The following STK24 variants were observed in gnomAD, a reference collection of about 807,000 sequenced individuals.
The protein encoded by STK24 is serine/threonine kinase 24.
STK24 carries 21 observed loss-of-function variants against 55.6 expected under a neutral mutation model. The observed-to-expected ratio is 0.38, with a 90% CI of 0.27 to 0.54. The LOEUF is 0.54. Ranked by LOEUF, STK24 falls within the 20% of genes least tolerant of loss-of-function variation. The probability of loss-of-function intolerance (pLI) is 0.79; values close to 1 mark genes in which losing one functional copy is unlikely to be tolerated. For missense variants in STK24, 383 were observed against 538.4 expected (o/e 0.71, Z 2.86); for synonymous variants, 200 against 215.2 (o/e 0.93, Z 0.62).
chr13:98,552,403 G>A (rs189653452), intron 1 of STK24, among the ~76,000 whole-genome samples: 4 of 152,204 alleles, frequency 2.6e-5, no homozygotes, highest in East Asian at 3.9e-4. Context: ...AAGTGGCTAC[G>A]GGACAGCAGA....
rs897662720 is a variant in STK24, at chr13:98,449,721, A to AAAT, written c.*3449_*3451dup. ...TTTCCAGTACTAACAAAGGGAATAA[A>AAAT]AATACCTCACGCCACAATCCAGCAT... On this transcript the variant is annotated 3_prime_UTR_variant, in exon 11 of 11. Coordinates refer to ENST00000539966, the MANE Select transcript of STK24 (RefSeq NM_001032296.4). 6.6e-5 allele frequency: 10 copies of AAAT among 152,528 alleles called. No homozygotes were observed. The highest frequency in any genetic ancestry group is 5.9e-4 in the Admixed American group (9 of 15,264). The allele number at this position is 152,528 out of a possible 1,614,324, so 9.4% of individuals were successfully genotyped here.
rs542837936 is a variant in STK24, at chr13:98,447,312, T to A, written c.*5861A>T. 1 of 154,142 alleles carries A rather than the reference T, an allele frequency of 6.5e-6. No individual in the cohort carries two copies. Among genetic ancestry groups the A allele is most frequent in the East Asian group, 1.9e-4 (1 of 5,236 alleles). The allele number at this position is 154,142 out of a possible 1,614,324, so 9.5% of individuals were successfully genotyped here. On this transcript the variant is annotated 3_prime_UTR_variant, in exon 11 of 11. Coordinates refer to ENST00000539966, the MANE Select transcript of STK24 (RefSeq NM_001032296.4). ...GCCCCGGGAGGCAGAAGGGGAGGGG[T>A]CCTCAGCAATATGCTGAGCACCTCC... is the stretch of plus-strand genomic sequence containing the variant.
intron 5 of STK24, among the ~76,000 whole-genome samples, chr13:98,468,304 C>G (rs1308245272): frequency 6.6e-6 from 1 of 152,264 alleles, no homozygotes; most frequent in Non-Finnish European, 1.5e-5. Flanking sequence ...TCTAGAAGAG[C>G]TGACGTTGGA....
At chr13:98,484,289 C>T (rs2139308109) in intron 2 of STK24, among the ~76,000 whole-genome samples, 3 of 152,342 alleles carry the variant, frequency 2.0e-5, no homozygotes, top group Admixed American at 2.0e-4. Context: ...CAAAGGAAAT[C>T]TAAATCGCTT....
chr13:98,493,957 C>T (rs1895143408), intron 2 of STK24, among the ~76,000 whole-genome samples: 2 of 151,070 alleles, frequency 1.3e-5, no homozygotes, highest in South Asian at 4.2e-4. Context: ...ATTATCCTGC[C>T]TCAGCCTCCT....
chr13:98,481,080 C>A (rs1213458499), intron 3 of STK24, among the ~76,000 whole-genome samples: 1 of 152,226 alleles, frequency 6.6e-6, no homozygotes, highest in Admixed American at 6.5e-5. Context: ...AATCACCACT[C>A]ACCTAAATGA....
intron 2 of STK24, among the ~76,000 whole-genome samples, chr13:98,507,052 T>C (rs9556964): frequency 0.66 from 100,583 of 152,196 alleles, 33,513 homozygotes; most frequent in African/African-American, 0.69. Flanking sequence ...CCTCTGTAAA[T>C]GTGCAGCTGG....
chr13:98,495,131 C>G (rs924101285), intron 2 of STK24, among the ~76,000 whole-genome samples: 2 of 152,230 alleles, frequency 1.3e-5, no homozygotes, highest in Non-Finnish European at 2.9e-5. Flanking sequence ...GCCTGGTTCC[C>G]GCAGCCCACT....
Position 98,475,366 on chromosome 13 carries a change from G to T in STK24, c.331-8C>A. ...TAATGGGCCAGGTTCTAACTAAGAA[G>T]AGAAAAAAATTCTTAAAGTTACTTA... is the stretch of plus-strand genomic sequence containing the variant. On this transcript the variant is annotated splice_polypyrimidine_tract_variant and splice_region_variant and intron_variant, in intron 3 of 10. Coordinates refer to ENST00000539966, the MANE Select transcript of STK24 (RefSeq NM_001032296.4). 5 of 1,570,890 alleles carry T rather than the reference G, an allele frequency of 3.2e-6. No homozygotes were observed. Among genetic ancestry groups the T allele is most frequent in the Non-Finnish European group, 4.3e-6 (5 of 1,158,746 alleles).
At chr13:98,534,678 C>G (rs1297690425) in intron 1 of STK24, among the ~76,000 whole-genome samples, 1 of 152,202 alleles carries the variant, frequency 6.6e-6, no homozygotes, top group East Asian at 1.9e-4. Flanking sequence ...GCTAGTGCCA[C>G]CCAGACCGGT....
chr13:98,519,387 G>C lies in STK24; in HGVS notation c.129C>G (p.Asp43Glu). The C allele has an allele frequency of 1.2e-6, 2 of 1,614,160 alleles. No homozygotes were observed. Among genetic ancestry groups the C allele is most frequent in the South Asian group, 1.1e-5 (1 of 91,082 alleles). Reference sequence around the variant, plus strand: ...TGGCAACCACTTTCTGAGTCCGATTGTCAATGCCTTTGAACACCTCTCCAA... The same window carrying C: ...TGGCAACCACTTTCTGAGTCCGATTCTCAATGCCTTTGAACACCTCTCCAA... ...GSFGEVFKGI[D>E]NRTQKVVAIK... Residue 43 changes from aspartate (D) to glutamate (E), a missense_variant, in exon 2 of 11, where the codon GAC becomes GAG. Coordinates refer to ENST00000539966, the MANE Select transcript of STK24 (RefSeq NM_001032296.4).
chr13:98,559,002 T>TAAAAAAAA (rs60756124), intron 1 of STK24, among the ~76,000 whole-genome samples: 38 of 43,036 alleles, frequency 8.8e-4, no homozygotes, highest in Non-Finnish European at 1.2e-3. Flanking sequence ...CTGTCTCTAC[T>TAAAAAAAA]AAAAAAAAAA....
At chr13:98,474,538 C>A (rs1196773499) in intron 5 of STK24, among the ~76,000 whole-genome samples, 1 of 152,146 alleles carries the variant, frequency 6.6e-6, no homozygotes, top group Non-Finnish European at 1.5e-5. Context: ...TTCCTCCCAC[C>A]CCCCTCCAAA....
chr13:98,497,933 C>T (rs954361335), intron 2 of STK24, among the ~76,000 whole-genome samples: 24 of 152,334 alleles, frequency 1.6e-4, no homozygotes, highest in Admixed American at 1.5e-3. Context: ...CACTCAGCAA[C>T]TGAGCCACCA....
rs185944994 is a variant in STK24 at position 98,566,211 on chromosome 13, T to G, written c.42+10534A>C. On this transcript the variant is annotated intron_variant, in intron 1 of 10. Coordinates refer to ENST00000539966, the MANE Select transcript of STK24 (RefSeq NM_001032296.4). ...TTTTCTTTTCCTCAAAAAAAATGAATAACAATGAAACATGAACACACTCTT... is the reference window on the plus strand; with the variant it reads ...TTTTCTTTTCCTCAAAAAAAATGAAGAACAATGAAACATGAACACACTCTT... Among the ~76,000 whole-genome samples the G allele has an allele frequency of 3.9e-4, 60 of 152,264 alleles. 2 individuals carry two copies. In the East Asian group the frequency reaches 0.011, roughly 27 times the overall value.
intron 5 of STK24, among the ~76,000 whole-genome samples, chr13:98,473,177 A>G (rs1894216177): frequency 6.9e-6 from 1 of 145,896 alleles, no homozygotes; most frequent in African/African-American, 2.6e-5. Flanking sequence ...ATCCAGAAAA[A>G]TGTGCCTACA....
chr13:98,569,413 CA>C (rs11316359), intron 1 of STK24, among the ~76,000 whole-genome samples: 69,209 of 126,798 alleles, frequency 0.55, 17,183 homozygotes, highest in Non-Finnish European at 0.6. Context: ...ACAGCAGAGA[CA>C]AAAAAAAAAA....
rs570938954 is a variant in STK24, at chr13:98,562,465, G to A, written c.42+14280C>T. Among the ~76,000 whole-genome samples the A allele has an allele frequency of 2.6e-4, 39 of 152,294 alleles. 1 individual carries two copies. The highest frequency in any genetic ancestry group is 2.4e-3 in the Admixed American group (37 of 15,298). On this transcript the variant is annotated intron_variant, in intron 1 of 10. Transcript: ENST00000539966. ...ACTATCACAAGTCCTCCAGCAGAAA[G>A]GAACGGAATTACTACTACTCTGACA...
chr13:98,462,386 C>A (rs565279351), intron 7 of STK24, among the ~76,000 whole-genome samples: 9 of 152,212 alleles, frequency 5.9e-5, no homozygotes, highest in African/African-American at 2.2e-4. Context: ...AAAGCCCACC[C>A]GTGTCCCTCC....
Sources: allele counts gnomAD v4.1 joint callset (sites outside exome capture counted in the v4.1 genomes callset), GRCh38; gene constraint gnomAD v4.1.1; transcripts MANE v1.5; gene names NCBI Gene and HGNC (gene_info 2026-07-23, HGNC 2026-07-21).